PARD3: variants seen among roughly 807,000 people sequenced by gnomAD.
The protein encoded by PARD3 is par-3 family cell polarity regulator, also known as partitioning defective 3 homolog.
A neutral mutation model predicts 155.4 loss-of-function variants in PARD3; 75 were observed. The observed-to-expected ratio is 0.48, with a 90% CI of 0.40 to 0.58. The LOEUF (loss-of-function observed/expected upper bound fraction) is 0.58, where lower values mean the gene tolerates loss of function less well. PARD3 is among the 20% of genes least tolerant of loss of function. The probability of loss-of-function intolerance (pLI) is 0.00; values close to 1 mark genes in which losing one functional copy is unlikely to be tolerated. For synonymous variants in PARD3, 576 were observed against 610.5 expected (o/e 0.94, Z 0.83); for missense variants, 1,642 against 1,721.7 (o/e 0.95, Z 0.82).
intron 1 of PARD3, among the ~76,000 whole-genome samples, chr10:34,747,485 C>T (rs529277343): frequency 1.3e-5 from 2 of 152,288 alleles, no homozygotes; most frequent in South Asian, 2.1e-4. Context: ...AAATGGATCG[C>T]TAAATGCAAA....
intron 2 of PARD3, among the ~76,000 whole-genome samples, chr10:34,692,947 A>G (rs1410511867): frequency 6.6e-6 from 1 of 152,256 alleles, no homozygotes; most frequent in Non-Finnish European, 1.5e-5. Flanking sequence ...AAGCTTATGA[A>G]AAAATGTTCA....
At chr10:34,265,923 A>C (rs1471650305) in intron 22 of PARD3, among the ~76,000 whole-genome samples, 1 of 152,216 alleles carries the variant, frequency 6.6e-6, no homozygotes, top group Non-Finnish European at 1.5e-5. Flanking sequence ...AGGGATGGGC[A>C]AGACTGTGGG....
chr10:34,560,503 A>G (rs1037170555), intron 2 of PARD3, among the ~76,000 whole-genome samples: 1 of 152,260 alleles, frequency 6.6e-6, no homozygotes, highest in Admixed American at 6.5e-5. Flanking sequence ...CAAAAAAACA[A>G]AACAATCTAC....
At chr10:34,793,137 G>C (rs540045209) in intron 1 of PARD3, among the ~76,000 whole-genome samples, 2 of 152,320 alleles carry the variant, frequency 1.3e-5, no homozygotes, top group South Asian at 4.1e-4. Context: ...GGGGAGCCGG[G>C]GGGCCGTCGC....
chr10:34,516,901 G>A (rs2081807416), intron 3 of PARD3, 78 bp downstream of exon 3: 1 of 1,301,702 alleles, frequency 7.7e-7, no homozygotes, highest in Admixed American at 2.1e-5. Context: ...TCCATTTACA[G>A]GGTCATGGAT....
chr10:34,355,924 C>CAAAA lies in PARD3; in HGVS notation c.2067+3219_2067+3222dup, dbSNP rs869284165. On this transcript the variant is annotated intron_variant, in intron 14 of 24. Transcript: ENST00000374788. Reference sequence around the variant, plus strand: ...TAGGCAACAGAGTGACACTCCGTCTCAAAAAAAAAAAAAAAAAAAAAACAA... The same window carrying CAAAA: ...TAGGCAACAGAGTGACACTCCGTCTCAAAAAAAAAAAAAAAAAAAAAAAAAACAA... Among the ~76,000 whole-genome samples the CAAAA allele has an allele frequency of 1.7e-3, 71 of 42,708 alleles. 5 individuals carry two copies. Among genetic ancestry groups the CAAAA allele is most frequent in the South Asian group, 7.4e-3 (5 of 678 alleles). 28.0% of individuals were successfully genotyped at this position (42,708 alleles called of 152,430 possible).
At chr10:34,177,071 G>A (rs1401270142) in intron 22 of PARD3, among the ~76,000 whole-genome samples, 2 of 151,656 alleles carry the variant, frequency 1.3e-5, no homozygotes, top group Admixed American at 1.3e-4. Context: ...TGGATGGGAT[G>A]ATTTACCCTC....
intron 2 of PARD3, among the ~76,000 whole-genome samples, chr10:34,629,485 A>G (rs1284756750): frequency 6.6e-6 from 1 of 152,222 alleles, no homozygotes. Flanking sequence ...GTTAAGGTCA[A>G]TGAATCCAGA....
In PARD3 at chr10:34,429,734, C is replaced by T. The variant is rs182562247; in HGVS notation, c.714+20583G>A. Among the ~76,000 whole-genome samples, 1,213 of 152,174 alleles carry T rather than the reference C, an allele frequency of 8.0e-3. 10 individuals carry two copies. Among genetic ancestry groups the T allele is most frequent in the African/African-American group, 0.028 (1,150 of 41,510 alleles). On this transcript the variant is annotated intron_variant, in intron 5 of 24. Coordinates refer to ENST00000374788, the MANE Select transcript of PARD3 (RefSeq NM_001184785.2). ...CCTAGTAGCTGGGATTACAGATGCC[C>T]ATCAACATGCCCAGCTAATTTTTTG... is the stretch of plus-strand genomic sequence containing the variant.
At chr10:34,238,767 A>G (rs1408886613) in intron 22 of PARD3, among the ~76,000 whole-genome samples, 2 of 152,172 alleles carry the variant, frequency 1.3e-5, no homozygotes, top group African/African-American at 2.4e-5. Context: ...TCCACCTCCT[A>G]TAAGAAAGAT....
At chr10:34,247,116 C>T (rs1954005347) in intron 22 of PARD3, among the ~76,000 whole-genome samples, 1 of 151,836 alleles carries the variant, frequency 6.6e-6, no homozygotes, top group Non-Finnish European at 1.5e-5. Context: ...CTCAGTAATA[C>T]AAAATGTATA....
intron 2 of PARD3, among the ~76,000 whole-genome samples, chr10:34,631,733 G>A (rs1164435530): frequency 1.3e-5 from 2 of 152,150 alleles, no homozygotes; most frequent in Admixed American, 6.5e-5. Flanking sequence ...GAGTAGCTGA[G>A]ACTATATGCA....
intron 2 of PARD3, among the ~76,000 whole-genome samples, chr10:34,522,745 C>T (rs1326651098): frequency 6.6e-6 from 1 of 152,160 alleles, no homozygotes; most frequent in Non-Finnish European, 1.5e-5. Flanking sequence ...CGCTCTACAT[C>T]CTCCTCTAGA....
chr10:34,421,824 T>C (rs553123875), intron 5 of PARD3, among the ~76,000 whole-genome samples: 28 of 152,288 alleles, frequency 1.8e-4, no homozygotes, highest in African/African-American at 6.7e-4. Flanking sequence ...GTATGTATGC[T>C]AGTGCTATTA....
At chr10:34,400,705 A>G (rs536192500) in intron 6 of PARD3, among the ~76,000 whole-genome samples, 1 of 152,344 alleles carries the variant, frequency 6.6e-6, no homozygotes, top group Non-Finnish European at 1.5e-5. Flanking sequence ...TCCTGCATAA[A>G]GACAGGAATA....
At chr10:34,432,337 T>TACATACACAC (rs1207917998) in intron 5 of PARD3, among the ~76,000 whole-genome samples, 5 of 143,456 alleles carry the variant, frequency 3.5e-5, no homozygotes, top group African/African-American at 1.3e-4. Context: ...CACGTGCACA[T>TACATACACAC]ACACACACAC....
chr10:34,345,898 A>G (rs1837371370), intron 15 of PARD3: 1 of 985,210 alleles, frequency 1.0e-6, no homozygotes, highest in Non-Finnish European at 1.2e-6. Context: ...TCAAATTTGC[A>G]AAACACAAGA....
intron 22 of PARD3, among the ~76,000 whole-genome samples, chr10:34,230,886 G>C (rs1477133419): frequency 6.6e-6 from 1 of 151,948 alleles, no homozygotes; most frequent in Non-Finnish European, 1.5e-5. Flanking sequence ...AACATAGCTG[G>C]GCATTGGGGT....
chr10:34,768,763 G>A (rs930437540), intron 1 of PARD3, among the ~76,000 whole-genome samples: 2 of 152,224 alleles, frequency 1.3e-5, no homozygotes, highest in African/African-American at 4.8e-5. Flanking sequence ...CTGGATGGTG[G>A]AGCCAGGCAA....
Sources: gnomAD v4.1 joint callset for allele counts (sites outside exome capture counted in the v4.1 genomes callset) on GRCh38, gnomAD v4.1.1 for gene constraint, MANE v1.5 for transcripts, NCBI Gene and HGNC (gene_info 2026-07-23, HGNC 2026-07-21) for gene names.